ZNF766: variants seen among roughly 807,000 people sequenced by gnomAD.
The protein encoded by ZNF766 is zinc finger protein 766.
Under a neutral mutation model 13.2 loss-of-function variants are expected in ZNF766, and 13 were observed. The observed-to-expected ratio is 0.98, with a 90% CI of 0.64 to 1.56. ZNF766 has a LOEUF of 1.56. Ranked by LOEUF, ZNF766 falls within the 40% of genes most tolerant of loss-of-function variation. The pLI is 0.00. For synonymous variants in ZNF766, 178 were observed against 187.6 expected, an observed-to-expected ratio of 0.95 and a Z score of 0.42; for missense variants, 521 against 552.2, an observed-to-expected ratio of 0.94 and a Z score of 0.57.
rs768207159 is a variant in ZNF766 at position 52,290,435 on chromosome 19, A to G, written c.644A>G (p.Asn215Ser). The G allele has an allele frequency of 1.2e-5, 20 of 1,613,804 alleles. No individual in the cohort carries two copies. The South Asian group carries it at 1.9e-4, about 15-fold the overall frequency. Residue 215 changes from asparagine to serine, a missense_variant, in exon 4 of 4, where the codon AAC becomes AGC. Coordinates refer to ENST00000439461, the MANE Select transcript of ZNF766 (RefSeq NM_001010851.3). ...HQVIHTADKP[N>S]RCHECGKTVR... ...GTAATCCACACTGCAGATAAACCTA[A>G]CAGATGTCATGAATGTGGTAAAACC...
intron 1 of ZNF766, among the ~76,000 whole-genome samples, chr19:52,271,508 C>T (rs1980971644): frequency 6.6e-6 from 1 of 152,192 alleles, no homozygotes; most frequent in African/African-American, 2.4e-5. Context: ...TCTGTCCCTC[C>T]CCCTGGCTGT....
At chr19:52,285,505 G>A (rs1981770453) in intron 3 of ZNF766, among the ~76,000 whole-genome samples, 1 of 152,156 alleles carries the variant, frequency 6.6e-6, no homozygotes, top group African/African-American at 2.4e-5. Context: ...GAAACACTCA[G>A]GTTTACCGGT....
At chr19:52,269,673 G>T in intron 1 of ZNF766, 42 bp downstream of exon 1, 1 of 1,610,798 alleles carries the variant, frequency 6.2e-7, no homozygotes, top group Non-Finnish European at 8.5e-7. Context: ...GCTTAGCGGT[G>T]CCCTCACGCT....
intron 1 of ZNF766, among the ~76,000 whole-genome samples, chr19:52,280,498 T>C (rs1981450085): frequency 6.6e-6 from 1 of 152,238 alleles, no homozygotes; most frequent in Admixed American, 6.5e-5. Flanking sequence ...ATACATGTGA[T>C]GTGTTTGCAT....
chr19:52,274,038 C>T (rs1171105221), intron 1 of ZNF766, among the ~76,000 whole-genome samples: 7 of 152,182 alleles, frequency 4.6e-5, no homozygotes, highest in East Asian at 3.9e-4. Flanking sequence ...CAAGGTATTA[C>T]GTGGAAAGTT....
At position 52,292,313 on chromosome 19, in the gene ZNF766, G is replaced by A. The variant is rs1435428120; in HGVS notation, c.*1115G>A. On this transcript the variant is annotated 3_prime_UTR_variant, in exon 4 of 4. Coordinates refer to ENST00000439461, the MANE Select transcript of ZNF766 (RefSeq NM_001010851.3). Reference sequence around the variant, plus strand: ...GAGGTGGACAGAGAATAACAAAACCGTGATGGCAGTCATCATGCTTATTGC... The same window carrying A: ...GAGGTGGACAGAGAATAACAAAACCATGATGGCAGTCATCATGCTTATTGC... 5 of 636,570 alleles carry A rather than the reference G, an allele frequency of 7.9e-6. No homozygotes were observed. Among genetic ancestry groups the A allele is most frequent in the East Asian group, 2.7e-5 (1 of 36,394 alleles). 39.4% of individuals were successfully genotyped at this position (636,570 alleles called of 1,614,324 possible).
intron 1 of ZNF766, among the ~76,000 whole-genome samples, chr19:52,279,080 A>G (rs541028754): frequency 6.6e-6 from 1 of 152,230 alleles, no homozygotes; most frequent in East Asian, 1.9e-4. Context: ...TCCAGCTTCA[A>G]TCTTCTGCAT....
In ZNF766 at chr19:52,291,119, T is replaced by A. The variant is rs573432261; in HGVS notation, c.1328T>A (p.Val443Glu). The change falls in exon 4 of 4, where the codon GTG becomes GAG. Residue 443 changes from valine (V) to glutamate (E), a missense_variant. By Grantham distance (121) the Val-to-Glu change is moderately radical. Coordinates refer to ENST00000439461, the MANE Select transcript of ZNF766 (RefSeq NM_001010851.3). ...GGAGAGAAACCTTACAAATGCCATG[T>A]GTGTGGTAAGGTCTTTAGGCACAGT... is the stretch of plus-strand genomic sequence containing the variant. The part of the protein sequence containing the change: ...HTGEKPYKCH[V>E]CGKVFRHSSW... 1 of 1,614,022 alleles carries A rather than the reference T, an allele frequency of 6.2e-7. No individual in the cohort carries two copies. Among genetic ancestry groups the A allele is most frequent in the South Asian group, 1.1e-5 (1 of 91,070 alleles).
At chr19:52,283,895 G>A (rs1370193978) in intron 3 of ZNF766, among the ~76,000 whole-genome samples, 1 of 152,070 alleles carries the variant, frequency 6.6e-6, no homozygotes, top group African/African-American at 2.4e-5. Flanking sequence ...GCGCCACCAC[G>A]CCCAGCTAAT....
chr19:52,282,076 C>G, intron 1 of ZNF766, 35 bp from the exon 2 acceptor site: 23 of 1,583,876 alleles, frequency 1.5e-5, no homozygotes, highest in Non-Finnish European at 2.0e-5. Flanking sequence ...TTACTCTCTC[C>G]TTACCCTGTT....
intron 1 of ZNF766, chr19:52,275,449 T>C (rs1981147449): frequency 1.3e-5 from 2 of 152,134 alleles, no homozygotes; most frequent in Admixed American, 1.3e-4. Context: ...CTTAGTTTAT[T>C]ACGGAAGAAA....
At position 52,292,053 on chromosome 19, in the gene ZNF766, G is replaced by A; in HGVS notation, c.*855G>A. 1.5e-6 allele frequency: 1 copy of A among 668,934 alleles called. No homozygotes were observed. Among genetic ancestry groups the A allele is most frequent in the South Asian group, 1.6e-5 (1 of 61,364 alleles). The allele number at this position is 668,934 out of a possible 1,614,324, so 41.4% of individuals were successfully genotyped here. A position where few individuals can be genotyped will look rare whatever the true frequency, so the allele number is the denominator to read the frequency against. On this transcript the variant is annotated 3_prime_UTR_variant, in exon 4 of 4. Transcript: ENST00000439461. ...ATCTTGCCATTTGTACTCCAGCTTG[G>A]GTGACAGAGCGAGACCCTGTCTCAA...
At chr19:52,283,846 C>T (rs963690988) in intron 3 of ZNF766, among the ~76,000 whole-genome samples, 4 of 152,106 alleles carry the variant, frequency 2.6e-5, no homozygotes, top group East Asian at 1.9e-4. Context: ...CAAGTGAGTC[C>T]CCTGCCTCAA....
chr19:52,278,027 C>T (rs565860515), intron 1 of ZNF766, among the ~76,000 whole-genome samples: 4 of 145,256 alleles, frequency 2.8e-5, no homozygotes, highest in South Asian at 4.3e-4. Flanking sequence ...GGCTGGCATA[C>T]AGTGGTGCAA....
Position 52,295,151 on chromosome 19 carries a change from T to G in ZNF766, c.*3953T>G, listed in dbSNP as rs1333914389. 1 of 151,838 alleles carries G rather than the reference T, an allele frequency of 6.6e-6. No homozygotes were observed. The highest frequency in any genetic ancestry group is 2.4e-5 in the African/African-American group (1 of 41,356). The allele number at this position is 151,838 out of a possible 1,614,324, so 9.4% of individuals were successfully genotyped here. The stretch of plus-strand genomic sequence containing the variant: ...TAATATTTTTTTTTTACTTTTTTCT[T>G]TTTCTGTACATTGCATCCAGATGCT... On this transcript the variant is annotated 3_prime_UTR_variant, in exon 4 of 4. Coordinates refer to ENST00000439461, the MANE Select transcript of ZNF766 (RefSeq NM_001010851.3).
At position 52,291,418 on chromosome 19, in the gene ZNF766, A is replaced by G. The variant is rs1268720590; in HGVS notation, c.*220A>G. 2 of 508,064 alleles carry G rather than the reference A, an allele frequency of 3.9e-6. No individual in the cohort carries two copies. The highest frequency in any genetic ancestry group is 6.8e-6 in the Non-Finnish European group (2 of 292,000). 31.5% of individuals were successfully genotyped at this position (508,064 alleles called of 1,614,324 possible). On this transcript the variant is annotated 3_prime_UTR_variant, in exon 4 of 4. Coordinates refer to ENST00000439461, the MANE Select transcript of ZNF766 (RefSeq NM_001010851.3). ...TTGAACCTAATGATATGATGTGTAT[A>G]AAGGGTGCAAGGACACGTGGAAATG... is the stretch of plus-strand genomic sequence containing the variant.
At chr19:52,279,810 T>G (rs1981397600) in intron 1 of ZNF766, among the ~76,000 whole-genome samples, 1 of 145,402 alleles carries the variant, frequency 6.9e-6, no homozygotes, top group Non-Finnish European at 1.5e-5. Context: ...TTTTTTTTTT[T>G]TTTGAGACGG....
At chr19:52,278,323 A>G (rs1163320550) in intron 1 of ZNF766, among the ~76,000 whole-genome samples, 1 of 152,108 alleles carries the variant, frequency 6.6e-6, no homozygotes, top group African/African-American at 2.4e-5. Flanking sequence ...GATCAGTGAT[A>G]CTGAGCTTTT....
At chr19:52,270,507 G>A (rs1980930899) in intron 1 of ZNF766, among the ~76,000 whole-genome samples, 1 of 152,022 alleles carries the variant, frequency 6.6e-6, no homozygotes, top group Non-Finnish European at 1.5e-5. Flanking sequence ...ACAAAGTTGG[G>A]GAGAGGAGGA....
Sources: gnomAD v4.1 joint callset for allele counts (sites outside exome capture counted in the v4.1 genomes callset) on GRCh38, gnomAD v4.1.1 for gene constraint, MANE v1.5 for transcripts, NCBI Gene and HGNC (gene_info 2026-07-23, HGNC 2026-07-21) for gene names.